MTA3: variants seen among roughly 807,000 people sequenced by gnomAD.
MTA3 encodes metastasis-associated protein MTA3.
MTA3 carries 34 observed loss-of-function variants against 83.5 expected under a neutral mutation model. The ratio of observed to expected loss-of-function variants is 0.41; its 90% CI spans 0.31 to 0.54. The LOEUF is 0.54. MTA3 is among the 20% of genes least tolerant of loss of function. MTA3 has a pLI of 0.33. For missense variants in MTA3, 761 were observed against 726.4 expected, an observed-to-expected ratio of 1.05 and a Z score of -0.55; for synonymous variants, 303 against 252.7, an observed-to-expected ratio of 1.20 and a Z score of -1.89.
At chr2:42,576,548 T>C (rs909580838) in intron 2 of MTA3, among the ~76,000 whole-genome samples, 8 of 152,070 alleles carry the variant, frequency 5.3e-5, no homozygotes, top group Admixed American at 5.2e-4. Flanking sequence ...GAGGATTGCT[T>C]GAGCCTGGGG....
chr2:42,555,977 C>A (rs1376476736), intron 2 of MTA3, among the ~76,000 whole-genome samples: 1 of 151,834 alleles, frequency 6.6e-6, no homozygotes, highest in South Asian at 2.1e-4. Context: ...GAGGCTGAGG[C>A]AGGAGAATTG....
intron 16 of MTA3, among the ~76,000 whole-genome samples, chr2:42,732,013 G>A (rs1042642288): frequency 6.6e-6 from 1 of 152,152 alleles, no homozygotes; most frequent in African/African-American, 2.4e-5. Context: ...CTTTGACTCC[G>A]GGTCTCATAT....
intron 16 of MTA3, among the ~76,000 whole-genome samples, chr2:42,735,915 C>T (rs1072306): frequency 0.57 from 86,881 of 152,002 alleles, 26,003 homozygotes; most frequent in African/African-American, 0.75. Flanking sequence ...CACATATCTC[C>T]ATCTCTCTGG....
intron 2 of MTA3, among the ~76,000 whole-genome samples, chr2:42,523,243 C>T (rs765894734): frequency 2.0e-5 from 3 of 152,120 alleles, no homozygotes; most frequent in Non-Finnish European, 4.4e-5. Flanking sequence ...TAGATGCCCC[C>T]CAAATCCACT....
At chr2:42,645,961 A>G (rs1479042707) in intron 6 of MTA3, among the ~76,000 whole-genome samples, 1 of 152,210 alleles carries the variant, frequency 6.6e-6, no homozygotes, top group African/African-American at 2.4e-5. Flanking sequence ...GAAGCTTCAA[A>G]GGACAGCCTG....
chr2:42,580,363 T>G (rs1180919748), intron 3 of MTA3, among the ~76,000 whole-genome samples: 1 of 151,412 alleles, frequency 6.6e-6, no homozygotes, highest in Admixed American at 6.6e-5. Context: ...TTAATTTTAT[T>G]TATTTATTTA....
chr2:42,557,920 T>C (rs978869639), intron 2 of MTA3, among the ~76,000 whole-genome samples: 1 of 152,256 alleles, frequency 6.6e-6, no homozygotes, highest in Non-Finnish European at 1.5e-5. Context: ...GTCTACACCA[T>C]TGGGTATCTC....
At chr2:42,538,721 A>AG (rs1179348433) in intron 2 of MTA3, among the ~76,000 whole-genome samples, 135 of 150,356 alleles carry the variant, frequency 9.0e-4, no homozygotes, top group Non-Finnish European at 1.1e-3. Context: ...AAAAAAAAAA[A>AG]AAAAAGAAAA....
intron 6 of MTA3, among the ~76,000 whole-genome samples, chr2:42,647,686 A>G (rs1688343726): frequency 6.6e-6 from 1 of 152,238 alleles, no homozygotes; most frequent in African/African-American, 2.4e-5. Context: ...TAACAAAAAC[A>G]ACAGATTTAT....
chr2:42,589,193 T>TG (rs1450481874), intron 3 of MTA3, among the ~76,000 whole-genome samples: 1 of 152,192 alleles, frequency 6.6e-6, no homozygotes, highest in Non-Finnish European at 1.5e-5. Flanking sequence ...CTCAAAGGTT[T>TG]GGGAAAGTTG....
chr2:42,595,659 C>T (rs575861712), intron 3 of MTA3, among the ~76,000 whole-genome samples: 2 of 152,228 alleles, frequency 1.3e-5, no homozygotes, highest in Admixed American at 1.3e-4. Flanking sequence ...AGCTTTTCTT[C>T]TTTCCTTGTC....
chr2:42,538,287 A>G (rs1676347555), intron 2 of MTA3, among the ~76,000 whole-genome samples: 1 of 151,090 alleles, frequency 6.6e-6, no homozygotes, highest in Admixed American at 6.6e-5. Context: ...GATATCAATA[A>G]ATGGAAAGAT....
intron 2 of MTA3, among the ~76,000 whole-genome samples, chr2:42,559,489 G>A (rs376193496): frequency 6.8e-6 from 1 of 147,728 alleles, no homozygotes. Flanking sequence ...GCAACAGAGC[G>A]AGACCTTGTC....
At chr2:42,517,472 C>T (rs187414277) in intron 2 of MTA3, among the ~76,000 whole-genome samples, 74 of 150,010 alleles carry the variant, frequency 4.9e-4, no homozygotes, top group African/African-American at 1.7e-3. Flanking sequence ...ACTCAGGAGG[C>T]TGAGGCAGGA....
At chr2:42,616,126 T>C (rs1205920701) in intron 4 of MTA3, among the ~76,000 whole-genome samples, 3 of 151,556 alleles carry the variant, frequency 2.0e-5, no homozygotes, top group Non-Finnish European at 4.4e-5. Flanking sequence ...AGTGGTGTGA[T>C]CTCGGCTCAC....
In MTA3 at chr2:42,570,208, G is replaced by A. The variant is rs185501388; in HGVS notation, c.29-229G>A. On this transcript the variant is annotated intron_variant, in intron 1 of 16. Coordinates refer to ENST00000405094, the MANE Select transcript of MTA3 (RefSeq NM_001330442.2). ...ATGACGTATTGGGACAGAAGTCTAG[G>A]AGAAACTGATAAAACATTAATTGAA... 4.5e-3 allele frequency among the ~76,000 whole-genome samples: 689 copies of A among 152,256 alleles called. 2 individuals are homozygous for A. Among genetic ancestry groups the A allele is most frequent in the Non-Finnish European group, 7.3e-3 (497 of 68,028 alleles).
intron 3 of MTA3, among the ~76,000 whole-genome samples, chr2:42,580,391 A>C (rs1023880165): frequency 6.7e-6 from 1 of 149,864 alleles, no homozygotes; most frequent in Non-Finnish European, 1.5e-5. Flanking sequence ...ATTTATTTTG[A>C]GATTGAGTCT....
intron 9 of MTA3, among the ~76,000 whole-genome samples, chr2:42,690,710 C>T (rs1157467765): frequency 1.4e-5 from 2 of 139,624 alleles, no homozygotes; most frequent in Non-Finnish European, 3.0e-5. Context: ...GACAGAGTCT[C>T]TATCACCAGG....
intron 2 of MTA3, among the ~76,000 whole-genome samples, chr2:42,518,417 C>G (rs1035032744): frequency 1.3e-5 from 2 of 152,168 alleles, no homozygotes; most frequent in Admixed American, 6.5e-5. Context: ...GTCAAAGCCA[C>G]AGAAGAACCA....
Sources: gnomAD v4.1 joint callset for allele counts (sites outside exome capture counted in the v4.1 genomes callset) on GRCh38, gnomAD v4.1.1 for gene constraint, MANE v1.5 for transcripts, NCBI Gene and HGNC (gene_info 2026-07-23, HGNC 2026-07-21) for gene names.